Variants in HDAC4 observed in about 807,000 individuals in gnomAD.
HDAC4 encodes the protein histone deacetylase 4.
A neutral mutation model predicts 135.1 loss-of-function variants in HDAC4; 16 were observed. The observed-to-expected ratio is 0.12, with a 90% CI of 0.08 to 0.18. The LOEUF is 0.18. Among genes scored for constraint, HDAC4 ranks in the 10% least tolerant of loss-of-function variants. The probability of loss-of-function intolerance (pLI) is 1.00; values close to 1 mark genes in which losing one functional copy is unlikely to be tolerated. For missense variants in HDAC4, 1,143 were observed against 1,511.8 expected (o/e 0.76, Z 4.05); for synonymous variants, 685 against 653.4 (o/e 1.05, Z -0.74).
At chr2:239,288,459 G>GT (rs1338183310) in intron 2 of HDAC4, among the ~76,000 whole-genome samples, 2 of 152,150 alleles carry the variant, frequency 1.3e-5, no homozygotes, top group Non-Finnish European at 2.9e-5. Flanking sequence ...AGCTAGCACA[G>GT]TAAGACAAGG....
chr2:239,252,473 C>T (rs185369823), intron 2 of HDAC4, among the ~76,000 whole-genome samples: 1 of 152,334 alleles, frequency 6.6e-6, no homozygotes, highest in Admixed American at 6.5e-5. Context: ...TCTGACTTTC[C>T]CCTCCTTCAG....
intron 3 of HDAC4, among the ~76,000 whole-genome samples, chr2:239,223,055 G>A (rs1289334987): frequency 3.9e-5 from 6 of 152,178 alleles, no homozygotes; most frequent in Admixed American, 6.5e-5. Flanking sequence ...ATTAAAAATA[G>A]TTTCAGTGGT....
At chr2:239,383,292 A>G (rs1695550423) in intron 1 of HDAC4, among the ~76,000 whole-genome samples, 1 of 152,142 alleles carries the variant, frequency 6.6e-6, no homozygotes, top group African/African-American at 2.4e-5. Context: ...TGAGCCCTGC[A>G]CCTTCCCGTA....
At chr2:239,094,043 T>A (rs984666563) in intron 17 of HDAC4, 19 of 985,306 alleles carry the variant, frequency 1.9e-5, no homozygotes, top group Non-Finnish European at 2.3e-5. Context: ...CATAACAGAA[T>A]CCAGACCTTG....
At chr2:239,178,732 G>A (rs995134173) in intron 4 of HDAC4, among the ~76,000 whole-genome samples, 2 of 152,188 alleles carry the variant, frequency 1.3e-5, no homozygotes, top group African/African-American at 2.4e-5. Flanking sequence ...GGAGGAAGAG[G>A]GGACGGTGAG....
chr2:239,128,920 C>A (rs544827189), intron 11 of HDAC4, among the ~76,000 whole-genome samples: 237 of 152,308 alleles, frequency 1.6e-3, no homozygotes, highest in Middle Eastern at 3.4e-3. Flanking sequence ...GGCTACACAG[C>A]GCTCCCAGGC....
rs1559502404 is a variant in HDAC4, at chr2:239,141,707, T to C, written c.866-1911A>G. 6.6e-6 allele frequency among the ~76,000 whole-genome samples: 1 copy of C among 152,122 alleles called. No individual in the cohort carries two copies. The highest frequency in any genetic ancestry group is 1.5e-5 in the Non-Finnish European group (1 of 68,030). ...CTACACACCAAGATCCAGCAGATCT[T>C]CCCTGTAATGGGTGCCTCCCAGCTG... On this transcript the variant is annotated intron_variant, in intron 8 of 26. Coordinates refer to ENST00000543185, the MANE Select transcript of HDAC4 (RefSeq NM_001378414.1). This position sits in a 1 kb window ranked among gnomAD's most constrained non-coding sequence, Gnocchi z 4.9.
At chr2:239,070,564 C>T (rs549743544) in intron 22 of HDAC4, among the ~76,000 whole-genome samples, 2 of 152,332 alleles carry the variant, frequency 1.3e-5, no homozygotes, top group East Asian at 3.9e-4. Context: ...CTGAGTTAAT[C>T]ACCACCACTG....
chr2:239,289,699 T>C (rs1028424146), intron 2 of HDAC4, among the ~76,000 whole-genome samples: 3 of 152,212 alleles, frequency 2.0e-5, no homozygotes, highest in East Asian at 3.9e-4. Context: ...GCTCATCTGA[T>C]GTGGGAGCCC....
At chr2:239,053,967 G>A (rs1320628361) in intron 25 of HDAC4, among the ~76,000 whole-genome samples, 1 of 152,004 alleles carries the variant, frequency 6.6e-6, no homozygotes, top group Non-Finnish European at 1.5e-5. Flanking sequence ...CTATCTCTGG[G>A]AGCAGGTGAG....
chr2:239,170,125 A>G (rs979473472), intron 5 of HDAC4, among the ~76,000 whole-genome samples: 2 of 152,256 alleles, frequency 1.3e-5, no homozygotes, highest in African/African-American at 4.8e-5. Flanking sequence ...AACAATTACT[A>G]AGAACTTGGA....
At chr2:239,151,209 G>A (rs1056881906) in intron 7 of HDAC4, among the ~76,000 whole-genome samples, 4 of 152,254 alleles carry the variant, frequency 2.6e-5, no homozygotes, top group African/African-American at 9.6e-5. Flanking sequence ...CTAGTACACA[G>A]GGCGAAAGCC....
rs891280538 is a variant in HDAC4, at chr2:239,240,292, C to T, written c.23-3628G>A. On this transcript the variant is annotated intron_variant, in intron 2 of 26. Transcript: ENST00000543185. The surrounding 1 kb of genome is among the most constrained non-coding windows in gnomAD (Gnocchi z 4.5). ...CTGTCACCAGGGTGAAATAGACAAG[C>T]TGCGGTACACAGCCAGCTGGAACGC... 2.6e-5 allele frequency among the ~76,000 whole-genome samples: 4 copies of T among 152,232 alleles called. No homozygotes were observed. Among genetic ancestry groups the T allele is most frequent in the African/African-American group, 9.7e-5 (4 of 41,448 alleles).
intron 4 of HDAC4, among the ~76,000 whole-genome samples, chr2:239,184,457 GA>G (rs1310180172): frequency 1.5e-5 from 2 of 135,914 alleles, no homozygotes; most frequent in Non-Finnish European, 3.2e-5. Context: ...TGTGCCCTAT[GA>G]GGGGGGGTCC....
Position 239,285,496 on chromosome 2 carries a change from G to A in HDAC4, c.23-48832C>T, listed in dbSNP as rs1485643871. On this transcript the variant is annotated intron_variant, in intron 2 of 26. Transcript: ENST00000543185. This position sits in a 1 kb window ranked among gnomAD's most constrained non-coding sequence, Gnocchi z 4.5. Reference sequence around the variant, plus strand: ...GTGCCGGCTGCCAGCAAGTGTCTCCGCCGCGGGACCTGTCATCCCAGCTGG... The same window carrying A: ...GTGCCGGCTGCCAGCAAGTGTCTCCACCGCGGGACCTGTCATCCCAGCTGG... Among the ~76,000 whole-genome samples, 1 of 152,220 alleles carries A rather than the reference G, an allele frequency of 6.6e-6. No individual in the cohort carries two copies. The highest frequency in any genetic ancestry group is 1.5e-5 in the Non-Finnish European group (1 of 68,034).
chr2:239,115,013 T>C lies in HDAC4; in HGVS notation c.1791+40A>G. On this transcript the variant is annotated intron_variant, in intron 13 of 26. Transcript: ENST00000543185. The surrounding 1 kb of genome is among the most constrained non-coding windows in gnomAD (Gnocchi z 6.3). Reference sequence around the variant, plus strand: ...GCCACCTGGGGACCGAGGGTGGCTGTGCGTGCCAGCCTTCTGGTGCCCTCC... The same window carrying C: ...GCCACCTGGGGACCGAGGGTGGCTGCGCGTGCCAGCCTTCTGGTGCCCTCC... The C allele has an allele frequency of 6.2e-7, 1 of 1,603,250 alleles. No individual in the cohort carries two copies.
At chr2:239,350,797 C>T (rs62182141) in intron 2 of HDAC4, among the ~76,000 whole-genome samples, 13,774 of 152,174 alleles carry the variant, frequency 0.091, 810 homozygotes, top group Non-Finnish European at 0.13. Context: ...CCTCTGCGCC[C>T]GGCCGAGAAC....
intron 22 of HDAC4, among the ~76,000 whole-genome samples, chr2:239,070,856 C>T (rs566132639): frequency 2.7e-4 from 41 of 151,950 alleles, no homozygotes; most frequent in Non-Finnish European, 5.1e-4. Flanking sequence ...CAATGGTGAC[C>T]GCAGCCATTT....
Position 239,285,183 on chromosome 2 carries a change from A to G in HDAC4, c.23-48519T>C, listed in dbSNP as rs1294101076. Among the ~76,000 whole-genome samples the G allele has an allele frequency of 3.3e-5, 5 of 152,356 alleles. No homozygotes were observed. In the East Asian group the frequency reaches 9.7e-4, roughly 29 times the overall value. ...AGATGGTACAGAGAAAGCGTTACAC[A>G]GTGAGAAAACAGGCAGCTGGATGAG... On this transcript the variant is annotated intron_variant, in intron 2 of 26. Transcript: ENST00000543185. The surrounding 1 kb of genome is among the most constrained non-coding windows in gnomAD (Gnocchi z 4.5).
Sources: allele counts gnomAD v4.1 joint callset (sites outside exome capture counted in the v4.1 genomes callset), GRCh38; gene constraint gnomAD v4.1.1; non-coding constraint Gnocchi (gnomAD v3.1); transcripts MANE v1.5; gene names NCBI Gene and HGNC (gene_info 2026-07-23, HGNC 2026-07-21).